The following ALOX5AP variants were observed in gnomAD, a reference collection of about 807,000 sequenced individuals.
The protein encoded by ALOX5AP is arachidonate 5-lipoxygenase-activating protein.
ALOX5AP carries 9 observed loss-of-function variants against 18.5 expected under a neutral mutation model. That is an observed-to-expected ratio of 0.49 (90% CI 0.29 to 0.85). The LOEUF (loss-of-function observed/expected upper bound fraction) is 0.85. ALOX5AP is among the 40% of genes least tolerant of loss of function. The pLI, the probability that ALOX5AP is intolerant of heterozygous loss-of-function variation, is 0.08. For missense variants in ALOX5AP, 172 were observed against 202.5 expected, an observed-to-expected ratio of 0.85 and a Z score of 0.91; for synonymous variants, 81 against 78.6, an observed-to-expected ratio of 1.03 and a Z score of -0.16.
At chr13:30,713,667 A>T (rs766843509) in exon 1 of ALOX5AP, 10 of 1,226,558 alleles carry the variant, frequency 8.2e-6, no homozygotes, top group Non-Finnish European at 1.2e-5. Context: ...CAATTCTGCA[A>T]GAACTCTGTA....
intron 1 of ALOX5AP, among the ~76,000 whole-genome samples, chr13:30,739,651 C>T (rs1951747276): frequency 6.6e-6 from 1 of 152,138 alleles, no homozygotes; most frequent in South Asian, 2.1e-4. Context: ...GCCAGGTTGG[C>T]CTCCAACTCC....
intron 1 of ALOX5AP, among the ~76,000 whole-genome samples, chr13:30,721,463 C>T (rs552791528): frequency 1.6e-4 from 24 of 152,232 alleles, no homozygotes; most frequent in African/African-American, 5.8e-4. Flanking sequence ...ATTCTTGACT[C>T]CTCTTCCTTA....
At chr13:30,750,980 A>G (rs935516580) in intron 2 of ALOX5AP, among the ~76,000 whole-genome samples, 2 of 152,234 alleles carry the variant, frequency 1.3e-5, no homozygotes, top group Non-Finnish European at 2.9e-5. Flanking sequence ...AAGTTCCAGA[A>G]GGATTGCAGC....
chr13:30,733,001 TA>T (rs930108077), upstream of ALOX5AP, among the ~76,000 whole-genome samples: 2 of 151,354 alleles, frequency 1.3e-5, no homozygotes, highest in African/African-American at 2.4e-5. Flanking sequence ...CTAAAAAATA[TA>T]AAAAAAATTA....
chr13:30,723,759 A>T (rs1057431026), intron 1 of ALOX5AP, among the ~76,000 whole-genome samples: 1 of 152,126 alleles, frequency 6.6e-6, no homozygotes, highest in South Asian at 2.1e-4. Context: ...AACATCAAAC[A>T]TTTTTAATTT....
At chr13:30,762,209 G>C (rs1009825738) in intron 4 of ALOX5AP, among the ~76,000 whole-genome samples, 26 of 152,210 alleles carry the variant, frequency 1.7e-4, no homozygotes, top group Admixed American at 2.0e-4. Context: ...TGTGGGGGCT[G>C]ATGCTGCTGG....
chr13:30,714,921 T>C (rs1566076804), intron 1 of ALOX5AP, among the ~76,000 whole-genome samples: 2 of 152,192 alleles, frequency 1.3e-5, no homozygotes, highest in African/African-American at 4.8e-5. Flanking sequence ...ACTCCCCGCT[T>C]AGAGCTGTGT....
intron 2 of ALOX5AP, among the ~76,000 whole-genome samples, chr13:30,747,550 T>C (rs1424936434): frequency 6.6e-6 from 1 of 152,226 alleles, no homozygotes; most frequent in Non-Finnish European, 1.5e-5. Flanking sequence ...GGTCAAAGTT[T>C]GGTTTTTGGA....
intron 1 of ALOX5AP, among the ~76,000 whole-genome samples, chr13:30,715,588 G>T (rs1951543750): frequency 6.6e-6 from 1 of 152,168 alleles, no homozygotes; most frequent in Non-Finnish European, 1.5e-5. Flanking sequence ...ATCACTTATG[G>T]GGTGGGAAGT....
intron 1 of ALOX5AP, among the ~76,000 whole-genome samples, chr13:30,729,569 A>C (rs1000507273): frequency 4.3e-5 from 6 of 138,228 alleles, no homozygotes; most frequent in Admixed American, 1.6e-4. Context: ...ATCCATGTCT[A>C]ACCTGTATTT....
At chr13:30,735,428 G>A, upstream of ALOX5AP, 1 of 1,269,714 alleles carries the variant, frequency 7.9e-7, no homozygotes, top group Non-Finnish European at 1.0e-6. Flanking sequence ...CATTTTGGTG[G>A]TTAGTTAAAA....
chr13:30,714,781 TG>T (rs1951536877), intron 1 of ALOX5AP, among the ~76,000 whole-genome samples: 1 of 152,230 alleles, frequency 6.6e-6, no homozygotes, highest in Admixed American at 6.5e-5. Flanking sequence ...CGTCACACCC[TG>T]GGCACTTGTT....
chr13:30,719,107 A>G (rs1345462840), intron 1 of ALOX5AP, among the ~76,000 whole-genome samples: 9 of 152,088 alleles, frequency 5.9e-5, no homozygotes, highest in Admixed American at 4.6e-4. Context: ...GTTGTCAGCT[A>G]GTTGTGCAAT....
At chr13:30,725,976 T>A (rs1025842861) in intron 1 of ALOX5AP, among the ~76,000 whole-genome samples, 1 of 152,184 alleles carries the variant, frequency 6.6e-6, no homozygotes, top group Non-Finnish European at 1.5e-5. Flanking sequence ...CAATATATGA[T>A]GCTATTTCTC....
intron 4 of ALOX5AP, among the ~76,000 whole-genome samples, chr13:30,759,533 C>T (rs934027209): frequency 2.6e-5 from 4 of 152,152 alleles, no homozygotes; most frequent in African/African-American, 9.7e-5. Context: ...CAAGGAGACC[C>T]AAGGTGTCTC....
chr13:30,735,539 C>T (rs771186169), upstream of ALOX5AP: 4 of 1,607,036 alleles, frequency 2.5e-6, no homozygotes, highest in African/African-American at 2.7e-5. Flanking sequence ...CTCACTTCCC[C>T]TTCCTGTACA....
intron 1 of ALOX5AP, among the ~76,000 whole-genome samples, chr13:30,714,357 A>G (rs11838374): frequency 0.18 from 26,768 of 151,728 alleles, 3,452 homozygotes; most frequent in African/African-American, 0.35. Context: ...CTCTGTCCTC[A>G]CTGAGAGGGT....
chr13:30,727,828 T>C (rs1318383805), intron 1 of ALOX5AP, among the ~76,000 whole-genome samples: 2 of 152,226 alleles, frequency 1.3e-5, no homozygotes, highest in Admixed American at 1.3e-4. Context: ...AATTTCAGTG[T>C]CAGCTCAGTC....
upstream of ALOX5AP, chr13:30,735,424 G>A (rs112066079): frequency 8.3e-4 from 1,046 of 1,262,584 alleles, 11 homozygotes; most frequent in African/African-American, 0.016. Context: ...AGGGCATTTT[G>A]GTGGTTAGTT....
Sources: allele counts gnomAD v4.1 joint callset (sites outside exome capture counted in the v4.1 genomes callset), GRCh38; gene constraint gnomAD v4.1.1; transcripts MANE v1.5; gene names NCBI Gene and HGNC (gene_info 2026-07-23, HGNC 2026-07-21).